Variants in SESTD1 observed in about 807,000 individuals in gnomAD.
The protein encoded by SESTD1 is SEC14 and spectrin domain containing 1.
Under a neutral mutation model 101.7 loss-of-function variants are expected in SESTD1, and 43 were observed. That is an observed-to-expected ratio of 0.42 (90% CI 0.33 to 0.55). The LOEUF (loss-of-function observed/expected upper bound fraction) is 0.55, where lower values mean the gene tolerates loss of function less well. Among genes scored for constraint, SESTD1 ranks in the 20% least tolerant of loss-of-function variants. The probability of loss-of-function intolerance (pLI) is 0.07; values close to 1 mark genes in which losing one functional copy is unlikely to be tolerated. For missense variants in SESTD1, 647 were observed against 815.1 expected, an observed-to-expected ratio of 0.79 and a Z score of 2.51; for synonymous variants, 283 against 286.8, an observed-to-expected ratio of 0.99 and a Z score of 0.13.
chr2:179,226,484 CCATT>C (rs1465895795), intron 1 of SESTD1, among the ~76,000 whole-genome samples: 1 of 152,192 alleles, frequency 6.6e-6, no homozygotes, highest in Non-Finnish European at 1.5e-5. Context: ...ATCACTATCA[CCATT>C]ATTATACTTT....
intron 1 of SESTD1, among the ~76,000 whole-genome samples, chr2:179,254,836 T>C (rs1356779352): frequency 2.0e-5 from 3 of 152,250 alleles, no homozygotes; most frequent in African/African-American, 7.2e-5. Flanking sequence ...AGATTGAAGG[T>C]TGGTGATAAT....
intron 10 of SESTD1, among the ~76,000 whole-genome samples, chr2:179,126,493 G>A (rs1357379655): frequency 6.6e-6 from 1 of 152,004 alleles, no homozygotes; most frequent in Non-Finnish European, 1.5e-5. Context: ...TTTTCCAGAG[G>A]CTCTCTTTTC....
At chr2:179,142,577 T>C (rs944776533) in intron 9 of SESTD1, among the ~76,000 whole-genome samples, 5 of 152,186 alleles carry the variant, frequency 3.3e-5, no homozygotes, top group African/African-American at 1.2e-4. Flanking sequence ...CTGTGCCTAC[T>C]GCTTCCTTTT....
intron 1 of SESTD1, among the ~76,000 whole-genome samples, chr2:179,248,540 G>A (rs995312830): frequency 6.6e-6 from 1 of 151,900 alleles, no homozygotes; most frequent in African/African-American, 2.4e-5. Flanking sequence ...AATCAAGGGG[G>A]GTTTATTGCA....
Position 179,156,712 on chromosome 2 carries a change from C to A in SESTD1, c.370-5321G>T, listed in dbSNP as rs542763784. Among the ~76,000 whole-genome samples, 3 of 152,168 alleles carry A rather than the reference C, an allele frequency of 2.0e-5. No individual in the cohort carries two copies. The South Asian group carries it at 6.2e-4, about 32-fold the overall frequency. ...TGCTGATTTGAGTTCATTGTAGATTCTGCATATTGTCCTTTATCAGATGTA... is the reference window on the plus strand; with the variant it reads ...TGCTGATTTGAGTTCATTGTAGATTATGCATATTGTCCTTTATCAGATGTA... On this transcript the variant is annotated intron_variant, in intron 5 of 17. Coordinates refer to ENST00000428443, the MANE Select transcript of SESTD1 (RefSeq NM_178123.5).
chr2:179,237,834 T>A (rs935540737), intron 1 of SESTD1, among the ~76,000 whole-genome samples: 2 of 152,068 alleles, frequency 1.3e-5, no homozygotes, highest in Non-Finnish European at 2.9e-5. Context: ...CTTGCCAGAA[T>A]AACAGAGATC....
intron 5 of SESTD1, among the ~76,000 whole-genome samples, chr2:179,157,572 G>A (rs1559119656): frequency 6.6e-6 from 1 of 152,050 alleles, no homozygotes; most frequent in Non-Finnish European, 1.5e-5. Context: ...TAAATCACAG[G>A]ATGAGTTATT....
chr2:179,201,448 A>G lies in SESTD1; in HGVS notation c.-25-9582T>C, dbSNP rs565475297. Reference sequence around the variant, plus strand: ...GTATATACCCAAAGGACTATAAATCATGCTGCTATAAAGACACATGCACAC... The same window carrying G: ...GTATATACCCAAAGGACTATAAATCGTGCTGCTATAAAGACACATGCACAC... On this transcript the variant is annotated intron_variant, in intron 1 of 17. Coordinates refer to ENST00000428443, the MANE Select transcript of SESTD1 (RefSeq NM_178123.5). Among the ~76,000 whole-genome samples, 17 of 131,530 alleles carry G rather than the reference A, an allele frequency of 1.3e-4. 2 individuals carry two copies. In the South Asian group the frequency reaches 5.0e-3, roughly 39 times the overall value. The allele number at this position is 131,530 out of a possible 152,430, so 86.3% of individuals were successfully genotyped here. A position where few individuals can be genotyped will look rare whatever the true frequency, so the allele number is the denominator to read the frequency against.
At chr2:179,221,830 G>A (rs537668862) in intron 1 of SESTD1, among the ~76,000 whole-genome samples, 5 of 151,634 alleles carry the variant, frequency 3.3e-5, no homozygotes, top group African/African-American at 1.2e-4. Context: ...TGAGGTGAGA[G>A]GATCCCTTGA....
At chr2:179,227,369 G>A (rs1482611472) in intron 1 of SESTD1, among the ~76,000 whole-genome samples, 1 of 152,178 alleles carries the variant, frequency 6.6e-6, no homozygotes, top group Non-Finnish European at 1.5e-5. Context: ...GCTCCTGACT[G>A]CCACTAACCT....
intron 5 of SESTD1, among the ~76,000 whole-genome samples, chr2:179,151,914 A>C (rs1237823682): frequency 6.6e-6 from 1 of 152,192 alleles, no homozygotes; most frequent in East Asian, 1.9e-4. Flanking sequence ...TAAAAATTAG[A>C]AGATCAGAGT....
chr2:179,125,648 CTT>C (rs2154394137), intron 10 of SESTD1, among the ~76,000 whole-genome samples: 1 of 152,298 alleles, frequency 6.6e-6, no homozygotes, highest in South Asian at 2.1e-4. Flanking sequence ...TGACAGATCT[CTT>C]TTTAAAGTTA....
At chr2:179,228,002 T>G (rs767406022) in intron 1 of SESTD1, among the ~76,000 whole-genome samples, 1 of 152,148 alleles carries the variant, frequency 6.6e-6, no homozygotes, top group South Asian at 2.1e-4. Context: ...CCCACTCACA[T>G]TGGTCTCACT....
intron 1 of SESTD1, among the ~76,000 whole-genome samples, chr2:179,258,858 A>G (rs1229499045): frequency 6.6e-6 from 1 of 152,224 alleles, no homozygotes; most frequent in Non-Finnish European, 1.5e-5. Flanking sequence ...ACTCTTAAGC[A>G]CTGGCATTGG....
intron 5 of SESTD1, among the ~76,000 whole-genome samples, chr2:179,164,526 A>T (rs2105466375): frequency 6.6e-6 from 1 of 152,304 alleles, no homozygotes; most frequent in South Asian, 2.1e-4. Context: ...AACCAGCAAA[A>T]CCTATCATAG....
chr2:179,157,553 G>GT (rs2045655256), intron 5 of SESTD1, among the ~76,000 whole-genome samples: 1 of 152,004 alleles, frequency 6.6e-6, no homozygotes, highest in Admixed American at 6.6e-5. Flanking sequence ...ATTTAAAATC[G>GT]TAAGATGATA....
At chr2:179,231,799 C>A (rs2046992657) in intron 1 of SESTD1, among the ~76,000 whole-genome samples, 1 of 149,546 alleles carries the variant, frequency 6.7e-6, no homozygotes. Context: ...AGTAAGGAAG[C>A]AAGAGTAATG....
intron 5 of SESTD1, 138 bp from the exon 6 acceptor site, chr2:179,151,529 T>G (rs890372682): frequency 2.4e-5 from 12 of 491,308 alleles, no homozygotes; most frequent in African/African-American, 2.2e-4. Flanking sequence ...CTTAATACAA[T>G]ATTTAAAACC....
intron 2 of SESTD1, among the ~76,000 whole-genome samples, chr2:179,187,340 T>C (rs1286532050): frequency 6.6e-6 from 1 of 152,108 alleles, no homozygotes; most frequent in Non-Finnish European, 1.5e-5. Context: ...AAAAAAAAGA[T>C]TTGGCCAAGC....
Sources: gnomAD v4.1 joint callset for allele counts (sites outside exome capture counted in the v4.1 genomes callset) on GRCh38, gnomAD v4.1.1 for gene constraint, MANE v1.5 for transcripts, NCBI Gene and HGNC (gene_info 2026-07-23, HGNC 2026-07-21) for gene names.